Variants in RCSD1 observed in about 807,000 individuals in gnomAD.
RCSD1 encodes the protein RCSD domain containing 1, also known as capZ-interacting protein.
A neutral mutation model predicts 42.5 loss-of-function variants in RCSD1; 26 were observed. That is an observed-to-expected ratio of 0.61 (90% CI 0.45 to 0.85). The LOEUF is 0.85. Among genes scored for constraint, RCSD1 ranks in the 40% least tolerant of loss-of-function variants. RCSD1 has a pLI of 0.00. For missense variants in RCSD1, 571 were observed against 528.3 expected (o/e 1.08, Z -0.79); for synonymous variants, 220 against 212.2 (o/e 1.04, Z -0.32).
chr1:167,665,166 T>A (rs989654257), intron 1 of RCSD1: 7 of 152,176 alleles, frequency 4.6e-5, no homozygotes, highest in African/African-American at 1.4e-4. Flanking sequence ...ATCTTCTTTC[T>A]GTTATTATAG....
chr1:167,630,419 A>G lies in RCSD1; in HGVS notation c.-5A>G, dbSNP rs781332092. Reference sequence around the variant, plus strand: ...CGTCTGCCGCAGAGTCGGCACCTGAAGGACATGGAGGTAAAGGACCCCGGA... The same window carrying G: ...CGTCTGCCGCAGAGTCGGCACCTGAGGGACATGGAGGTAAAGGACCCCGGA... On this transcript the variant is annotated 5_prime_UTR_variant, in exon 1 of 7. Transcript: ENST00000367854. The G allele has an allele frequency of 6.5e-7, 1 of 1,534,210 alleles. No homozygotes were observed.
chr1:167,639,404 C>T (rs767776216), intron 1 of RCSD1, among the ~76,000 whole-genome samples: 9 of 152,176 alleles, frequency 5.9e-5, no homozygotes, highest in Non-Finnish European at 1.0e-4. Flanking sequence ...TGGTGCTCAG[C>T]TCTCTAGGTC....
intron 1 of RCSD1, among the ~76,000 whole-genome samples, chr1:167,651,666 G>C (rs6694715): frequency 0.33 from 50,284 of 152,006 alleles, 8,666 homozygotes; most frequent in African/African-American, 0.39. Flanking sequence ...CTCCCTGCCT[G>C]TTCCCTGCCA....
At chr1:167,693,625 G>A (rs2101717782) in intron 4 of RCSD1, among the ~76,000 whole-genome samples, 1 of 152,300 alleles carries the variant, frequency 6.6e-6, no homozygotes, top group Middle Eastern at 3.4e-3. Context: ...TCTTGATTGT[G>A]CAATGAGAAC....
chr1:167,688,334 G>A (rs1659287059), intron 3 of RCSD1, among the ~76,000 whole-genome samples: 1 of 152,110 alleles, frequency 6.6e-6, no homozygotes, highest in African/African-American at 2.4e-5. Context: ...TGTTGCTGCA[G>A]TTTCTAAAAG....
At chr1:167,694,553 T>A (rs1474760625) in intron 5 of RCSD1, among the ~76,000 whole-genome samples, 1 of 152,132 alleles carries the variant, frequency 6.6e-6, no homozygotes, top group Non-Finnish European at 1.5e-5. Flanking sequence ...AAGACAAGCC[T>A]GGGGGATGGC....
At chr1:167,681,321 G>A (rs1167336571) in intron 1 of RCSD1, among the ~76,000 whole-genome samples, 1 of 152,194 alleles carries the variant, frequency 6.6e-6, no homozygotes, top group African/African-American at 2.4e-5. Flanking sequence ...TAATGTGCCT[G>A]GAGGGCAGAC....
At chr1:167,679,617 C>T (rs982101597) in intron 1 of RCSD1, among the ~76,000 whole-genome samples, 7 of 152,188 alleles carry the variant, frequency 4.6e-5, no homozygotes, top group African/African-American at 9.6e-5. Context: ...GGGCTCTGGC[C>T]TATTTCTGGT....
rs1223279319 is a variant in RCSD1, at chr1:167,696,999, G to C, written c.475-100G>C. On this transcript the variant is annotated intron_variant, in intron 5 of 6. Transcript: ENST00000367854. ...AATTAAACGGTCCTTGCGTGGACTT[G>C]TGAAGCAGTGCACCAGACTGACATT... is the stretch of plus-strand genomic sequence containing the variant. 3 of 1,105,804 alleles carry C rather than the reference G, an allele frequency of 2.7e-6. No homozygotes were observed. The African/African-American group carries it at 4.7e-5, about 17-fold the overall frequency. 68.5% of individuals were successfully genotyped at this position (1,105,804 alleles called of 1,614,324 possible). A position where few individuals can be genotyped will look rare whatever the true frequency, so the allele number is the denominator to read the frequency against.
chr1:167,689,943 C>T, intron 3 of RCSD1, 106 bp from the exon 4 acceptor site: 1 of 1,057,844 alleles, frequency 9.5e-7, no homozygotes, highest in Non-Finnish European at 1.4e-6. Context: ...GAGAAAGTGG[C>T]AACACCAACT....
At chr1:167,666,988 G>A (rs944824682) in intron 1 of RCSD1, among the ~76,000 whole-genome samples, 4 of 152,254 alleles carry the variant, frequency 2.6e-5, no homozygotes, top group African/African-American at 9.6e-5. Flanking sequence ...ACTTTCAAGT[G>A]AAGCAATTCA....
rs373009703 is a variant in RCSD1, at chr1:167,691,872, A to C, written c.270+1752A>C. ...ACTCCAGGAGGCTGCAGGGCTCCTA[A>C]ATAAGTAACAGGGGTCTCTCAGAAG... On this transcript the variant is annotated intron_variant, in intron 4 of 6. Transcript: ENST00000367854. Among the ~76,000 whole-genome samples the C allele has an allele frequency of 1.3e-4, 20 of 152,208 alleles. No homozygotes were observed. In the East Asian group the frequency reaches 3.3e-3, roughly 25 times the overall value.
chr1:167,685,164 A>G (rs1442564828), intron 2 of RCSD1, among the ~76,000 whole-genome samples: 1 of 152,188 alleles, frequency 6.6e-6, no homozygotes, highest in Non-Finnish European at 1.5e-5. Flanking sequence ...TCTAGCAGGA[A>G]AGGAAATGGA....
intron 1 of RCSD1, among the ~76,000 whole-genome samples, chr1:167,653,387 C>A (rs1330767651): frequency 6.6e-6 from 1 of 152,224 alleles, no homozygotes; most frequent in African/African-American, 2.4e-5. Flanking sequence ...TGGTTCTCAA[C>A]TCTGGATTCC....
At chr1:167,630,763 A>T (rs955474243) in intron 1 of RCSD1, 211 of 223,736 alleles carry the variant, frequency 9.4e-4, no homozygotes, top group African/African-American at 4.8e-3. Context: ...AGTTAGGTGC[A>T]GCCAAGGTTT....
chr1:167,674,502 T>C (rs1658893685), intron 1 of RCSD1, among the ~76,000 whole-genome samples: 1 of 152,230 alleles, frequency 6.6e-6, no homozygotes. Context: ...ATGTCACCTA[T>C]TTAAAGTGTA....
At chr1:167,694,041 G>T in intron 4 of RCSD1, 58 bp from the exon 5 acceptor site, 2 of 1,563,266 alleles carry the variant, frequency 1.3e-6, no homozygotes, top group African/African-American at 1.4e-5. Flanking sequence ...ACAAGCTAAA[G>T]TAGAGGCTCT....
chr1:167,696,455 CTT>C (rs113725864), intron 5 of RCSD1, among the ~76,000 whole-genome samples: 103 of 140,430 alleles, frequency 7.3e-4, no homozygotes, highest in Admixed American at 6.4e-4. Context: ...TAGACAATTT[CTT>C]TTTTTTTTTT....
rs544547684 is a variant in RCSD1, at chr1:167,697,106, C to T, written c.482C>T (p.Thr161Met). The T allele has an allele frequency of 3.1e-5, 50 of 1,612,298 alleles. No homozygotes were observed. Among genetic ancestry groups the T allele is most frequent in the African/African-American group, 6.7e-5 (5 of 74,922 alleles). ...SHLPCYNKVR[T>M]RGSIKRRPPS... is the part of the protein sequence containing the mutation. ...CTTAACACTTTCTTCTAGGTGCGGACGAGGGGCTCAATAAAAAGGCGCCCT... is the reference window on the plus strand; with the variant it reads ...CTTAACACTTTCTTCTAGGTGCGGATGAGGGGCTCAATAAAAAGGCGCCCT... Residue 161 changes from threonine to methionine, a missense_variant, in exon 6 of 7, where the codon ACG becomes ATG. Physicochemically the swap from Thr to Met is moderately conservative, Grantham distance 81. Coordinates refer to ENST00000367854, the MANE Select transcript of RCSD1 (RefSeq NM_052862.4).
Sources: allele counts gnomAD v4.1 joint callset (sites outside exome capture counted in the v4.1 genomes callset), GRCh38; gene constraint gnomAD v4.1.1; transcripts MANE v1.5; gene names NCBI Gene and HGNC (gene_info 2026-07-23, HGNC 2026-07-21).